ST18: variants seen among roughly 807,000 people sequenced by gnomAD.
ST18 encodes suppression of tumorigenicity 18 protein.
In ST18, 50 loss-of-function variants were observed where a neutral mutation model predicts 110.0. The observed-to-expected ratio is 0.45, with a 90% CI of 0.36 to 0.58. The LOEUF is 0.58. Ranked by LOEUF, ST18 falls within the 20% of genes least tolerant of loss-of-function variation. ST18 has a pLI of 0.00. For missense variants in ST18, 1,306 were observed against 1,280.1 expected, an observed-to-expected ratio of 1.02 and a Z score of -0.31; for synonymous variants, 461 against 452.4, an observed-to-expected ratio of 1.02 and a Z score of -0.24.
chr8:52,242,293 C>G (rs2093478788), intron 2 of ST18, among the ~76,000 whole-genome samples: 1 of 152,196 alleles, frequency 6.6e-6, no homozygotes, highest in Non-Finnish European at 1.5e-5. Context: ...CTTTCAAGTG[C>G]AATCTTAGTG....
chr8:52,369,513 C>T (rs1299826658), intron 2 of ST18, among the ~76,000 whole-genome samples: 1 of 152,176 alleles, frequency 6.6e-6, no homozygotes, highest in Non-Finnish European at 1.5e-5. Flanking sequence ...GACAACATAC[C>T]AGCCTACTTA....
rs80301788 is a variant in ST18 at position 52,402,375 on chromosome 8, G to GCA, written c.-465+6951_-465+6952dup. Among the ~76,000 whole-genome samples the GCA allele has an allele frequency of 1.4e-4, 21 of 152,218 alleles. No homozygotes were observed. The East Asian group carries it at 3.1e-3, about 22-fold the overall frequency. On this transcript the variant is annotated intron_variant, in intron 2 of 25. Transcript: ENST00000689386. ...TGTGGGCACAGGTCCATTCTCTGAG[G>GCA]CACAGGTGGATGCAGGTCTCCCACC...
In ST18 at chr8:52,217,802, C is replaced by T. The variant is rs2084939428; in HGVS notation, c.-57G>A. ...TACTTGTACTTGACGTCTTTTCTTACTGGAGCTTACATCAGGGGCAATAAG... is the reference window on the plus strand; with the variant it reads ...TACTTGTACTTGACGTCTTTTCTTATTGGAGCTTACATCAGGGGCAATAAG... On this transcript the variant is annotated 5_prime_UTR_variant, in exon 6 of 26. Transcript: ENST00000689386. 6.6e-6 allele frequency: 1 copy of T among 152,192 alleles called. No homozygotes were observed. The highest frequency in any genetic ancestry group is 1.5e-5 in the Non-Finnish European group (1 of 68,056). 9.4% of individuals were successfully genotyped at this position (152,192 alleles called of 1,614,324 possible). A position where few individuals can be genotyped will look rare whatever the true frequency, so the allele number is the denominator to read the frequency against.
intron 2 of ST18, among the ~76,000 whole-genome samples, chr8:52,321,391 G>A (rs1041857863): frequency 6.6e-6 from 1 of 152,200 alleles, no homozygotes; most frequent in East Asian, 1.9e-4. Flanking sequence ...CTATCAATGT[G>A]AAATACTTTG....
At chr8:52,218,054 G>A (rs1272260784) in intron 5 of ST18, among the ~76,000 whole-genome samples, 153 bp from the exon 6 acceptor site, 3 of 151,818 alleles carry the variant, frequency 2.0e-5, no homozygotes, top group African/African-American at 4.8e-5. Context: ...TTAACCTAAT[G>A]GCAAATAAAA....
chr8:52,332,900 T>C (rs1298011020), intron 2 of ST18, among the ~76,000 whole-genome samples: 1 of 152,182 alleles, frequency 6.6e-6, no homozygotes, highest in Admixed American at 6.5e-5. Context: ...GTCCTGCCTA[T>C]GCACAAGGCA....
chr8:52,365,855 T>C (rs1409919284), intron 2 of ST18, among the ~76,000 whole-genome samples: 3 of 151,482 alleles, frequency 2.0e-5, no homozygotes, highest in Non-Finnish European at 4.4e-5. Context: ...CATGCTACCA[T>C]GCCTAGCTAA....
At chr8:52,378,072 G>A (rs1833090311) in intron 2 of ST18, among the ~76,000 whole-genome samples, 1 of 152,132 alleles carries the variant, frequency 6.6e-6, no homozygotes, top group African/African-American at 2.4e-5. Context: ...GGGAACTCAT[G>A]GAGATAGAGA....
At chr8:52,182,026 A>G (rs1335793195) in intron 8 of ST18, among the ~76,000 whole-genome samples, 3 of 152,134 alleles carry the variant, frequency 2.0e-5, no homozygotes, top group Non-Finnish European at 4.4e-5. Flanking sequence ...GAGTCAAATG[A>G]ATTTCCACCA....
chr8:52,369,319 G>A (rs772040205), intron 2 of ST18, among the ~76,000 whole-genome samples: 6 of 152,120 alleles, frequency 3.9e-5, no homozygotes, highest in Non-Finnish European at 8.8e-5. Context: ...CTAAGTGCTG[G>A]CCAAAGGGAA....
chr8:52,149,035 G>A (rs1313128159), intron 16 of ST18, among the ~76,000 whole-genome samples: 1 of 152,186 alleles, frequency 6.6e-6, no homozygotes, highest in East Asian at 1.9e-4. Context: ...ACAACCGAGG[G>A]TTCTGGCTGT....
At chr8:52,114,015 G>C (rs956035940) in intron 25 of ST18, among the ~76,000 whole-genome samples, 2 of 106,416 alleles carry the variant, frequency 1.9e-5, no homozygotes, top group Non-Finnish European at 3.5e-5. Flanking sequence ...TATTGTCCTG[G>C]CTGGAGTGCA....
chr8:52,309,286 C>T (rs1488769793), intron 2 of ST18, among the ~76,000 whole-genome samples: 3 of 152,166 alleles, frequency 2.0e-5, no homozygotes, highest in East Asian at 3.9e-4. Flanking sequence ...TTTGGGTGGC[C>T]GAGGTGGGTG....
intron 2 of ST18, among the ~76,000 whole-genome samples, chr8:52,337,061 T>C (rs1288671303): frequency 6.6e-6 from 1 of 152,246 alleles, no homozygotes; most frequent in Non-Finnish European, 1.5e-5. Flanking sequence ...TAACATCGCC[T>C]TTTTAAGTGC....
chr8:52,202,484 G>A (rs1458308503), intron 8 of ST18, among the ~76,000 whole-genome samples: 2 of 152,184 alleles, frequency 1.3e-5, no homozygotes, highest in African/African-American at 4.8e-5. Context: ...GCCGAAGGCA[G>A]AGAATCTGCT....
chr8:52,226,264 A>G (rs2089356220), intron 3 of ST18, among the ~76,000 whole-genome samples: 1 of 152,208 alleles, frequency 6.6e-6, no homozygotes, highest in African/African-American at 2.4e-5. Context: ...CTAAGATTGC[A>G]TGACTCGTCA....
At chr8:52,272,770 CTG>C (rs2095118378) in intron 2 of ST18, among the ~76,000 whole-genome samples, 1 of 152,300 alleles carries the variant, frequency 6.6e-6, no homozygotes, top group South Asian at 2.1e-4. Context: ...CCCATGTTCA[CTG>C]TAGCATTATT....
intron 3 of ST18, among the ~76,000 whole-genome samples, chr8:52,225,591 C>T (rs78357199): frequency 0.029 from 4,351 of 152,298 alleles, 91 homozygotes; most frequent in Middle Eastern, 0.048. Context: ...GTTTTATCAG[C>T]AGCAAGCAGG....
Position 52,113,236 on chromosome 8 carries a change from C to G in ST18, c.3106G>C (p.Glu1036Gln), listed in dbSNP as rs370538113. The G allele has an allele frequency of 9.3e-6, 15 of 1,614,000 alleles. No homozygotes were observed. The highest frequency in any genetic ancestry group is 1.7e-5 in the Admixed American group (1 of 60,004). The part of the protein sequence containing the change: ...DYSPECKALL[E>Q]SIKQAVKGIH... The stretch of plus-strand genomic sequence containing the variant: ...CCCTTCACTGCCTGTTTGATACTTT[C>G]CAGTAGAGCTTTGCATTCCGGGGAA... Residue 1036 changes from glutamate (E) to glutamine (Q), a missense_variant, in exon 26 of 26, where the codon GAA becomes CAA. Physicochemically the swap from Glu to Gln is conservative, Grantham distance 29. Coordinates refer to ENST00000689386, the MANE Select transcript of ST18 (RefSeq NM_001352837.2).
Sources: gnomAD v4.1 joint callset for allele counts (sites outside exome capture counted in the v4.1 genomes callset) on GRCh38, gnomAD v4.1.1 for gene constraint, MANE v1.5 for transcripts, NCBI Gene and HGNC (gene_info 2026-07-23, HGNC 2026-07-21) for gene names.